Variants in SRRM4 observed in about 807,000 individuals in gnomAD.
SRRM4 encodes the protein serine/arginine repetitive matrix protein 4.
In SRRM4, 33 loss-of-function variants were observed where a neutral mutation model predicts 68.9. That is an observed-to-expected ratio of 0.48 (90% CI 0.36 to 0.64). SRRM4 has a LOEUF of 0.64. SRRM4 is among the 30% of genes least tolerant of loss of function. The pLI, the probability that SRRM4 is intolerant of heterozygous loss-of-function variation, is 0.00. For synonymous variants in SRRM4, 318 were observed against 318.8 expected, an observed-to-expected ratio of 1.00 and a Z score of 0.03; for missense variants, 817 against 827.1, an observed-to-expected ratio of 0.99 and a Z score of 0.15.
chr12:119,153,040 A>G (rs950021656), intron 10 of SRRM4, among the ~76,000 whole-genome samples: 1 of 152,214 alleles, frequency 6.6e-6, no homozygotes, highest in African/African-American at 2.4e-5. Context: ...TGAAATTGAT[A>G]ATAGTACCTA....
chr12:119,100,911 C>T lies in SRRM4; in HGVS notation c.132-1325C>T, dbSNP rs78685613. On this transcript the variant is annotated intron_variant, in intron 1 of 12. Transcript: ENST00000267260. ...GTTGGCAGTGAGAAGGGCTGAGAAG[C>T]CCTAATTAGAATCTCCAGCCCTCCA... 6.0e-3 allele frequency among the ~76,000 whole-genome samples: 908 copies of T among 152,250 alleles called. 8 individuals carry two copies. The highest frequency in any genetic ancestry group is 0.021 in the African/African-American group (870 of 41,556).
rs746502532 is a variant in SRRM4, at chr12:119,156,594, G to C, written c.1632G>C (p.Ser544=). Residue 544 remains serine, a synonymous_variant, in exon 13 of 13, where the codon TCG becomes TCC. Transcript: ENST00000267260. ...GGTACAGCAGCAGCAGTAGCCGCTC[G>C]GCCAGCCGCAGCTACTCCCGGAGCC... ...SSWYSSSSSR[S]ASRSYSRSRS... 3.1e-5 allele frequency: 50 copies of C among 1,610,208 alleles called. No individual in the cohort carries two copies. Among genetic ancestry groups the C allele is most frequent in the African/African-American group, 6.7e-5 (5 of 74,830 alleles).
intron 10 of SRRM4, among the ~76,000 whole-genome samples, chr12:119,151,645 G>T (rs1244325200): frequency 6.6e-6 from 1 of 152,168 alleles, no homozygotes. Flanking sequence ...GGGCTCAGCT[G>T]GGTGGTTCTT....
chr12:119,147,543 A>G (rs542789456), intron 9 of SRRM4, among the ~76,000 whole-genome samples: 1 of 152,346 alleles, frequency 6.6e-6, no homozygotes, highest in East Asian at 1.9e-4. Context: ...ATAGTGGGGA[A>G]TAAGGCTGTG....
intron 1 of SRRM4, among the ~76,000 whole-genome samples, chr12:119,005,004 C>T (rs1953407419): frequency 1.3e-5 from 2 of 150,456 alleles, no homozygotes; most frequent in South Asian, 4.2e-4. Flanking sequence ...AGCAGCATCA[C>T]AGTTCCTGTG....
intron 8 of SRRM4, 32 bp from the exon 9 acceptor site, chr12:119,145,349 C>T (rs370798317): frequency 5.7e-6 from 9 of 1,577,842 alleles, no homozygotes; most frequent in Non-Finnish European, 7.8e-6. Context: ...GCCCAGCGCT[C>T]AGCAGTGTCC....
intron 8 of SRRM4, among the ~76,000 whole-genome samples, chr12:119,143,080 C>A (rs1425150273): frequency 6.6e-6 from 1 of 152,198 alleles, no homozygotes; most frequent in Non-Finnish European, 1.5e-5. Flanking sequence ...CTGGACAGAA[C>A]TTGCTAAAGC....
At chr12:119,049,263 A>G (rs1025495877) in intron 1 of SRRM4, among the ~76,000 whole-genome samples, 4 of 152,176 alleles carry the variant, frequency 2.6e-5, no homozygotes, top group African/African-American at 9.7e-5. Flanking sequence ...AAAGAGTCAA[A>G]AGAAGTGTGG....
chr12:119,030,982 T>C (rs540560588), intron 1 of SRRM4: 2 of 152,372 alleles, frequency 1.3e-5, no homozygotes, highest in South Asian at 2.1e-4. Context: ...GATTATTTTC[T>C]TCTGGTAAAT....
At position 119,144,175 on chromosome 12, in the gene SRRM4, GC is replaced by G. The variant is rs367547926; in HGVS notation, c.772-1202del. On this transcript the variant is annotated intron_variant, in intron 8 of 12. Transcript: ENST00000267260. ...AGTCACCCCAAAGCCCAATTTCCAA[GC>G]CCCTTCCAAAGCCCTCTGTTGCAAG... Among the ~76,000 whole-genome samples, 111 of 152,056 alleles carry G rather than the reference GC, an allele frequency of 7.3e-4. 1 individual carries two copies. The East Asian group carries it at 0.014, about 19-fold the overall frequency.
chr12:119,146,805 G>A (rs1200807218), intron 9 of SRRM4, among the ~76,000 whole-genome samples: 1 of 149,726 alleles, frequency 6.7e-6, no homozygotes, highest in Non-Finnish European at 1.5e-5. Context: ...GCATAGTGGC[G>A]GGCGCCTGTA....
chr12:119,005,050 C>G (rs1953407799), intron 1 of SRRM4, among the ~76,000 whole-genome samples: 1 of 152,212 alleles, frequency 6.6e-6, no homozygotes, highest in Admixed American at 6.5e-5. Context: ...CCACAAAAAC[C>G]TATTTGAAAT....
At chr12:118,982,689 T>G (rs1308196521) in intron 1 of SRRM4, among the ~76,000 whole-genome samples, 37 of 141,900 alleles carry the variant, frequency 2.6e-4, no homozygotes, top group African/African-American at 7.8e-4. Flanking sequence ...GTTTTTTTTT[T>G]TTTTTTCCAA....
rs564052532 is a variant in SRRM4, at chr12:119,003,033, C to T, written c.131+21020C>T. Among the ~76,000 whole-genome samples, 24 of 151,992 alleles carry T rather than the reference C, an allele frequency of 1.6e-4. 1 individual carries two copies. The South Asian group carries it at 5.0e-3, about 32-fold the overall frequency. ...AACCTGGAGCTCAGAGGGGTGACAA[C>T]ACTCATTCAACGTCCCACAGCTAGT... On this transcript the variant is annotated intron_variant, in intron 1 of 12. Coordinates refer to ENST00000267260, the MANE Select transcript of SRRM4 (RefSeq NM_194286.4).
At chr12:119,064,180 A>G (rs7298367) in intron 1 of SRRM4, among the ~76,000 whole-genome samples, 134,338 of 152,274 alleles carry the variant, frequency 0.88, 59,635 homozygotes, top group Middle Eastern at 0.95. Flanking sequence ...GCTTCCAAAA[A>G]CCCCATTATT....
intron 1 of SRRM4, among the ~76,000 whole-genome samples, chr12:119,079,757 T>C (rs534931737): frequency 2.2e-4 from 33 of 152,296 alleles, no homozygotes; most frequent in African/African-American, 7.2e-4. Flanking sequence ...CTGGTTATTA[T>C]GCCCGATCCT....
chr12:119,110,791 C>T (rs540927227), intron 2 of SRRM4, among the ~76,000 whole-genome samples: 25 of 152,268 alleles, frequency 1.6e-4, no homozygotes, highest in Admixed American at 3.9e-4. Flanking sequence ...GGCGATGCCC[C>T]GCCCTGCTTT....
intron 1 of SRRM4, among the ~76,000 whole-genome samples, chr12:119,024,429 G>C (rs1953535166): frequency 6.6e-6 from 1 of 152,224 alleles, no homozygotes; most frequent in Non-Finnish European, 1.5e-5. Flanking sequence ...GGATGGCAGA[G>C]GGAATGTGGG....
intron 1 of SRRM4, among the ~76,000 whole-genome samples, chr12:119,036,572 T>C (rs1250848592): frequency 6.6e-6 from 1 of 152,148 alleles, no homozygotes; most frequent in African/African-American, 2.4e-5. Context: ...TCCCTCAATG[T>C]GTGTATTTCA....
Sources: allele counts gnomAD v4.1 joint callset (sites outside exome capture counted in the v4.1 genomes callset), GRCh38; gene constraint gnomAD v4.1.1; transcripts MANE v1.5; gene names NCBI Gene and HGNC (gene_info 2026-07-23, HGNC 2026-07-21).